RBM20: variants seen among roughly 807,000 people sequenced by gnomAD.
RBM20 encodes the protein RNA-binding protein 20.
Under a neutral mutation model 110.1 loss-of-function variants are expected in RBM20, and 51 were observed. The ratio of observed to expected loss-of-function variants is 0.46; its 90% CI spans 0.37 to 0.59. RBM20 has a LOEUF of 0.59. Ranked by LOEUF, RBM20 falls within the 20% of genes least tolerant of loss-of-function variation. The pLI is 0.00. For synonymous variants in RBM20, 589 were observed against 618.2 expected, an observed-to-expected ratio of 0.95 and a Z score of 0.70; for missense variants, 1,512 against 1,574.9, an observed-to-expected ratio of 0.96 and a Z score of 0.68.
At position 110,781,706 on chromosome 10, in the gene RBM20, G is replaced by T; in HGVS notation, c.1097G>T (p.Gly366Val). 2 of 1,550,968 alleles carry T rather than the reference G, an allele frequency of 1.3e-6. No homozygotes were observed. The highest frequency in any genetic ancestry group is 1.7e-6 in the Non-Finnish European group (2 of 1,146,304). Residue 366 changes from glycine to valine, a missense_variant, in exon 2 of 14, where the codon GGT (glycine) becomes GTT (valine). By Grantham distance (109) the Gly-to-Val change is moderately radical. Transcript: ENST00000369519. ...GACAGGACACCTCCTTCCTTCGGGGGTCGGCTTAACAACAGCAAACAGGGT... is the reference window on the plus strand; with the variant it reads ...GACAGGACACCTCCTTCCTTCGGGGTTCGGCTTAACAACAGCAAACAGGGT... ...TSDRTPPSFG[G>V]RLNNSKQGFI...
rs1844378905 is a variant in RBM20 at position 110,783,374 on chromosome 10, GC to G, written c.1285del (p.Leu429CysfsTer3). The G allele has an allele frequency of 6.4e-7, 1 of 1,551,030 alleles. No individual in the cohort carries two copies. Among genetic ancestry groups the G allele is most frequent in the Admixed American group, 2.0e-5 (1 of 50,978 alleles). ...KKVFDLKDWELHVKGKLHAQK... is the reference protein window; with the variant it reads ...KKVFDLKDWEXHVKGKLHAQK... ...CTTTCCTTCTGACCTAGGACTGGGA[GC>G]TGCATGTGAAAGGGAAGCTGCACGC... On this transcript the variant is annotated frameshift_variant, in exon 3 of 14. Transcript: ENST00000369519. LOFTEE classifies it high-confidence loss of function.
chr10:110,789,865 TA>T (rs1844462986), intron 5 of RBM20, among the ~76,000 whole-genome samples: 1 of 152,106 alleles, frequency 6.6e-6, no homozygotes, highest in African/African-American at 2.4e-5. Flanking sequence ...ATAAACAGAG[TA>T]ATCAGGTTTC....
intron 3 of RBM20, 146 bp downstream of exon 3, chr10:110,783,573 T>C (rs1844381714): frequency 1.7e-6 from 1 of 586,936 alleles, no homozygotes; most frequent in Admixed American, 2.8e-5. Flanking sequence ...GAGCTTGTGC[T>C]TCACAGGGGC....
At chr10:110,774,176 G>A (rs1237112946) in intron 1 of RBM20, among the ~76,000 whole-genome samples, 1 of 152,174 alleles carries the variant, frequency 6.6e-6, no homozygotes, top group Non-Finnish European at 1.5e-5. Context: ...TGACTTAGCT[G>A]TCCATATGGC....
intron 1 of RBM20, among the ~76,000 whole-genome samples, chr10:110,671,790 A>C (rs1862264187): frequency 6.6e-6 from 1 of 152,180 alleles, no homozygotes; most frequent in Admixed American, 6.5e-5. Context: ...ATTTACAAGA[A>C]ACACTCCCTT....
At chr10:110,758,194 T>A (rs1334789557) in intron 1 of RBM20, among the ~76,000 whole-genome samples, 1 of 151,746 alleles carries the variant, frequency 6.6e-6, no homozygotes, top group Non-Finnish European at 1.5e-5. Context: ...AATTTTTGTA[T>A]TTTTTGTAGA....
At chr10:110,653,583 G>A (rs1253891358) in intron 1 of RBM20, among the ~76,000 whole-genome samples, 2 of 150,936 alleles carry the variant, frequency 1.3e-5, no homozygotes, top group African/African-American at 4.9e-5. Flanking sequence ...TTTGAGACAG[G>A]GTCTCACTCT....
intron 7 of RBM20, among the ~76,000 whole-genome samples, chr10:110,802,319 G>T (rs1844637973): frequency 6.6e-6 from 1 of 151,084 alleles, no homozygotes; most frequent in Non-Finnish European, 1.5e-5. Context: ...TCCTGAATCT[G>T]CTTTGCTTGC....
rs796133938 is a variant in RBM20, at chr10:110,784,323, C to T, written c.1338-18C>T. The stretch of plus-strand genomic sequence containing the variant: ...TTAACTTATTAAGGAGCCGGTTTCC[C>T]TTTCTCGCCCTCTCCAGTGCTGGCA... On this transcript the variant is annotated intron_variant, in intron 3 of 13. Transcript: ENST00000369519. The T allele has an allele frequency of 6.5e-7, 1 of 1,538,304 alleles. No individual in the cohort carries two copies. The highest frequency in any genetic ancestry group is 1.4e-5 in the African/African-American group (1 of 72,738).
At chr10:110,692,804 A>G (rs886248376) in intron 1 of RBM20, among the ~76,000 whole-genome samples, 1 of 152,158 alleles carries the variant, frequency 6.6e-6, no homozygotes, top group African/African-American at 2.4e-5. Context: ...GAAAGCAAGC[A>G]TTCTTATCTT....
In RBM20 at chr10:110,835,910, G is replaced by T. The variant is rs757389650; in HGVS notation, c.3616G>T (p.Glu1206Ter). ...GGCCGAGGAGGGCCTCAAGGAGACC[G>T]AGGGGGCAGATAGCCCGAGGCCAGA... Reference protein sequence around the residue: ...QLAEEGLKETEGADSPRPEDS... With the variant: ...QLAEEGLKET Residue 1206 changes from glutamate to a stop codon, truncating the protein, a stop_gained, in exon 14 of 14, where the codon GAG becomes TAG. Coordinates refer to ENST00000369519, the MANE Select transcript of RBM20 (RefSeq NM_001134363.3). LOFTEE classifies it high-confidence loss of function. 2 of 1,540,724 alleles carry T rather than the reference G, an allele frequency of 1.3e-6. No homozygotes were observed.
At chr10:110,808,181 AG>A (rs1253837692) in intron 7 of RBM20, among the ~76,000 whole-genome samples, 1 of 152,242 alleles carries the variant, frequency 6.6e-6, no homozygotes, top group Non-Finnish European at 1.5e-5. Flanking sequence ...GTCAGCTCCA[AG>A]TGAGCCTCTT....
At chr10:110,737,621 C>CTTTT (rs61353592) in intron 1 of RBM20, among the ~76,000 whole-genome samples, 3 of 147,452 alleles carry the variant, frequency 2.0e-5, no homozygotes. Context: ...ATTAGTTTGC[C>CTTTT]TTTTTTTTTT....
At chr10:110,715,568 G>A (rs1863003005) in intron 1 of RBM20, among the ~76,000 whole-genome samples, 1 of 152,210 alleles carries the variant, frequency 6.6e-6, no homozygotes, top group Non-Finnish European at 1.5e-5. Flanking sequence ...TTATGCTGTA[G>A]CCACAAAACC....
At chr10:110,758,751 A>G (rs143324074) in intron 1 of RBM20, among the ~76,000 whole-genome samples, 191 of 152,304 alleles carry the variant, frequency 1.3e-3, no homozygotes, top group African/African-American at 3.6e-3. Context: ...TTTAATATTA[A>G]TAATTTAAAT....
intron 1 of RBM20, among the ~76,000 whole-genome samples, chr10:110,780,335 A>G (rs1844320692): frequency 2.6e-5 from 4 of 152,162 alleles, no homozygotes; most frequent in Non-Finnish European, 5.9e-5. Context: ...TGGGTATCAA[A>G]TTTTGTCTGC....
intron 1 of RBM20, among the ~76,000 whole-genome samples, chr10:110,696,835 T>C (rs1401259594): frequency 6.6e-6 from 1 of 152,168 alleles, no homozygotes; most frequent in African/African-American, 2.4e-5. Flanking sequence ...CTAGATATAG[T>C]AAAGTCTGCA....
intron 10 of RBM20, 114 bp from the exon 11 acceptor site, chr10:110,821,161 A>G: frequency 2.4e-6 from 2 of 823,346 alleles, no homozygotes; most frequent in Non-Finnish European, 3.8e-6. Context: ...TACCAGGTAG[A>G]GGTAAGAATG....
intron 1 of RBM20, among the ~76,000 whole-genome samples, chr10:110,753,675 G>A (rs1036371637): frequency 3.3e-5 from 5 of 152,166 alleles, no homozygotes; most frequent in East Asian, 1.9e-4. Flanking sequence ...GACTCAAAAC[G>A]ACACAAATTC....
Sources: gnomAD v4.1 joint callset for allele counts (sites outside exome capture counted in the v4.1 genomes callset) on GRCh38, gnomAD v4.1.1 for gene constraint, MANE v1.5 for transcripts, NCBI Gene and HGNC (gene_info 2026-07-23, HGNC 2026-07-21) for gene names.